DLG4: variants seen among roughly 807,000 people sequenced by gnomAD.
DLG4 encodes the protein discs large MAGUK scaffold protein 4.
A neutral mutation model predicts 93.8 loss-of-function variants in DLG4; 7 were observed. The observed-to-expected ratio is 0.07, with a 90% CI of 0.04 to 0.14. DLG4 has a LOEUF of 0.14. Ranked by LOEUF, DLG4 falls within the 10% of genes least tolerant of loss-of-function variation. The pLI is 1.00. For synonymous variants in DLG4, 341 were observed against 387.6 expected (o/e 0.88, Z 1.41); for missense variants, 545 against 992.9 (o/e 0.55, Z 6.06).
chr17:7,217,066 C>T (rs1239220902), intron 1 of DLG4, 52 bp downstream of exon 1: 1 of 1,255,632 alleles, frequency 8.0e-7, no homozygotes, highest in Non-Finnish European at 1.0e-6. Context: ...ACTAACCCCT[C>T]CCCACAAACT....
chr17:7,192,825 G>T, intron 17 of DLG4, 120 bp downstream of exon 17: 1 of 1,106,996 alleles, frequency 9.0e-7, no homozygotes, highest in Non-Finnish European at 1.3e-6. Flanking sequence ...AGGTGGAGGA[G>T]CGGAGTGGAG....
At chr17:7,219,577 C>T (rs1377775317), upstream of DLG4, 3 of 1,123,542 alleles carry the variant, frequency 2.7e-6, no homozygotes, top group African/African-American at 1.6e-5. Flanking sequence ...ATGTCTCTGC[C>T]TCTGCCATCT....
In DLG4 at chr17:7,193,435, C is replaced by T. The variant is rs1189134148; in HGVS notation, c.1693+48G>A. On this transcript the variant is annotated intron_variant, in intron 16 of 19. Coordinates refer to ENST00000399506, the MANE Select transcript of DLG4 (RefSeq NM_001321075.3). The surrounding 1 kb of genome is among the most constrained non-coding windows in gnomAD (Gnocchi z 6.7). ...GGCCCCAGGGATGGGCCTCCCCTGC[C>T]CCACCCCCACTTCCACCTTCTCCTC... is the stretch of plus-strand genomic sequence containing the variant. The T allele has an allele frequency of 7.4e-6, 11 of 1,494,038 alleles. No homozygotes were observed. Among genetic ancestry groups the T allele is most frequent in the Non-Finnish European group, 8.9e-7 (1 of 1,121,142 alleles). 92.5% of individuals were successfully genotyped at this position (1,494,038 alleles called of 1,614,324 possible).
chr17:7,203,340 G>A lies in DLG4; in HGVS notation c.506-11C>T. ...TGCTGAAGCCAAGACCTGGATGGAG[G>A]GGAGGCCAGAGGTGGGTGCCCAGGA... On this transcript the variant is annotated splice_polypyrimidine_tract_variant and intron_variant, in intron 6 of 19. Coordinates refer to ENST00000399506, the MANE Select transcript of DLG4 (RefSeq NM_001321075.3). The surrounding 1 kb of genome is among the most constrained non-coding windows in gnomAD (Gnocchi z 7.2). The A allele has an allele frequency of 3.8e-6, 6 of 1,592,988 alleles. No homozygotes were observed. Among genetic ancestry groups the A allele is most frequent in the South Asian group, 1.1e-5 (1 of 89,716 alleles).
chr17:7,196,439 C>A lies in DLG4; in HGVS notation c.1186+34G>T, dbSNP rs191268987. 32 of 1,612,484 alleles carry A rather than the reference C, an allele frequency of 2.0e-5. 1 individual carries two copies. The African/African-American group carries it at 3.7e-4, about 19-fold the overall frequency. ...TGAGGAAGAGTTCTAAGGGCCATTT[C>A]AGCTCACAAGACAAGGAACTTCCGG... is the stretch of plus-strand genomic sequence containing the variant. On this transcript the variant is annotated intron_variant, in intron 10 of 19. Transcript: ENST00000399506. The surrounding 1 kb of genome is among the most constrained non-coding windows in gnomAD (Gnocchi z 8.3).
At position 7,191,641 on chromosome 17, in the gene DLG4, C is replaced by T; in HGVS notation, c.1976+252G>A. ...GATTCGGACTCCAATTCCCAACAGC[C>T]CTAGAGGCCCTGACTCGCCCCAGCT... On this transcript the variant is annotated intron_variant, in intron 18 of 19. Coordinates refer to ENST00000399506, the MANE Select transcript of DLG4 (RefSeq NM_001321075.3). This position sits in a 1 kb window ranked among gnomAD's most constrained non-coding sequence, Gnocchi z 6.6. 1.7e-6 allele frequency: 1 copy of T among 591,774 alleles called. No individual in the cohort carries two copies. The highest frequency in any genetic ancestry group is 3.0e-6 in the Non-Finnish European group (1 of 330,258). 36.7% of individuals were successfully genotyped at this position (591,774 alleles called of 1,614,324 possible). A position where few individuals can be genotyped will look rare whatever the true frequency, so the allele number is the denominator to read the frequency against.
chr17:7,218,222 C>T, upstream of DLG4: 1 of 1,603,558 alleles, frequency 6.2e-7, no homozygotes, highest in South Asian at 1.1e-5. Flanking sequence ...AAGTTAGGCG[C>T]TCGCCCCCAC....
At chr17:7,219,312 G>A (rs371167572), upstream of DLG4, 5 of 835,132 alleles carry the variant, frequency 6.0e-6, no homozygotes, top group Middle Eastern at 1.2e-3. Context: ...CATGGTCTCT[G>A]GAAGGAACAG....
chr17:7,218,401 C>T (rs1399904099), upstream of DLG4: 1 of 1,390,444 alleles, frequency 7.2e-7, no homozygotes, highest in African/African-American at 1.4e-5. Flanking sequence ...AAGGCTGGTC[C>T]ACACTCATGG....
chr17:7,211,623 G>T (rs2070708961), intron 1 of DLG4: 1 of 944,876 alleles, frequency 1.1e-6, no homozygotes, highest in Non-Finnish European at 1.3e-6. Flanking sequence ...GTCCGGGAAG[G>T]GGGAGCGGGC....
intron 19 of DLG4, 66 bp from the exon 20 acceptor site, chr17:7,190,880 T>A: frequency 2.2e-6 from 3 of 1,359,126 alleles, no homozygotes; most frequent in Non-Finnish European, 3.2e-6. Context: ...CCAAGGGGGT[T>A]GCACCAGCCC....
chr17:7,195,714 C>G lies in DLG4; in HGVS notation c.1301+506G>C, dbSNP rs894591200. Among the ~76,000 whole-genome samples, 8 of 151,954 alleles carry G rather than the reference C, an allele frequency of 5.3e-5. No individual in the cohort carries two copies. The highest frequency in any genetic ancestry group is 6.6e-5 in the Admixed American group (1 of 15,252). Reference sequence around the variant, plus strand: ...ACAGGGACAGAAGTGGAGGGGTGACCCCCGGGGGCGGGAGAGAGGTGTGTT... The same window carrying G: ...ACAGGGACAGAAGTGGAGGGGTGACGCCCGGGGGCGGGAGAGAGGTGTGTT... On this transcript the variant is annotated intron_variant, in intron 11 of 19. Coordinates refer to ENST00000399506, the MANE Select transcript of DLG4 (RefSeq NM_001321075.3). This position sits in a 1 kb window ranked among gnomAD's most constrained non-coding sequence, Gnocchi z 4.3.
upstream of DLG4, chr17:7,219,093 C>T: frequency 1.7e-6 from 1 of 580,916 alleles, no homozygotes; most frequent in Non-Finnish European, 3.0e-6. Flanking sequence ...GGCCTCCTCA[C>T]AGAGGGCTCC....
At position 7,191,675 on chromosome 17, in the gene DLG4, C is replaced by A. The variant is rs1304977622; in HGVS notation, c.1976+218G>T. ...CCTGACTCGCCCCAGCTGGTATGCC[C>A]CAGGGGCTGCTGGGAAATGTAGTCC... On this transcript the variant is annotated intron_variant, in intron 18 of 19. Transcript: ENST00000399506. The surrounding 1 kb of genome is among the most constrained non-coding windows in gnomAD (Gnocchi z 6.6). 3.4e-6 allele frequency: 2 copies of A among 584,110 alleles called. No homozygotes were observed. The highest frequency in any genetic ancestry group is 6.2e-6 in the Non-Finnish European group (2 of 322,976). The allele number at this position is 584,110 out of a possible 1,614,324, so 36.2% of individuals were successfully genotyped here. A position where few individuals can be genotyped will look rare whatever the true frequency, so the allele number is the denominator to read the frequency against.
At chr17:7,192,898 TGGGGAGA>T (rs2069579478) in intron 17 of DLG4, 40 bp downstream of exon 17, 15 of 1,531,270 alleles carry the variant, frequency 9.8e-6, no homozygotes, top group Middle Eastern at 2.2e-4. Context: ...GGCAGTGGGG[TGGGGAGA>T]GGGGAGAAGG....
At chr17:7,218,628 C>T (rs866276330), upstream of DLG4, 1 of 1,562,542 alleles carries the variant, frequency 6.4e-7, no homozygotes, top group Non-Finnish European at 8.7e-7. Flanking sequence ...AGCCAGAGGG[C>T]TGACCTGGGA....
At chr17:7,205,292 A>G (rs12944387) in intron 2 of DLG4, 11,465 of 559,860 alleles carry the variant, frequency 0.02, 142 homozygotes, top group Non-Finnish European at 0.024. Context: ...CCTGACGTCA[A>G]TCGCCTGGTC....
At position 7,194,182 on chromosome 17, in the gene DLG4, C is replaced by A; in HGVS notation, c.1478+137G>T. On this transcript the variant is annotated intron_variant, in intron 12 of 19. Transcript: ENST00000399506. The surrounding 1 kb of genome is among the most constrained non-coding windows in gnomAD (Gnocchi z 4.4). ...CCTTCCCAAAGGCTCATGGGAGCCA[C>A]GGACCCCAGGAGGGCCCAACAGACA... 7.4e-7 allele frequency: 1 copy of A among 1,343,636 alleles called. No individual in the cohort carries two copies. The highest frequency in any genetic ancestry group is 2.5e-5 in the East Asian group (1 of 39,802). The allele number at this position is 1,343,636 out of a possible 1,614,324, so 83.2% of individuals were successfully genotyped here. A position where few individuals can be genotyped will look rare whatever the true frequency, so the allele number is the denominator to read the frequency against.
chr17:7,204,718 C>G (rs919198343), intron 2 of DLG4, among the ~76,000 whole-genome samples: 3 of 145,998 alleles, frequency 2.1e-5, no homozygotes, highest in Admixed American at 6.9e-5. Flanking sequence ...CCTGCCCCAT[C>G]CCCCCAACCC....
Sources: allele counts gnomAD v4.1 joint callset (sites outside exome capture counted in the v4.1 genomes callset), GRCh38; gene constraint gnomAD v4.1.1; non-coding constraint Gnocchi (gnomAD v3.1); transcripts MANE v1.5; gene names NCBI Gene and HGNC (gene_info 2026-07-23, HGNC 2026-07-21).